ASIC2: variants seen among roughly 807,000 people sequenced by gnomAD.
The protein encoded by ASIC2 is acid-sensing ion channel 2.
In ASIC2, 25 loss-of-function variants were observed where a neutral mutation model predicts 57.3. The observed-to-expected ratio is 0.44, with a 90% confidence interval of 0.32 to 0.61. The LOEUF (loss-of-function observed/expected upper bound fraction) is 0.61. Among genes scored for constraint, ASIC2 ranks in the 20% least tolerant of loss-of-function variants. The pLI is 0.06. For missense variants in ASIC2, 641 were observed against 738.1 expected (o/e 0.87, Z 1.52); for synonymous variants, 319 against 307.5 (o/e 1.04, Z -0.39).
chr17:33,376,369 T>TC (rs915569478), intron 1 of ASIC2, among the ~76,000 whole-genome samples: 1 of 151,822 alleles, frequency 6.6e-6, no homozygotes, highest in African/African-American at 2.4e-5. Context: ...TTTCTTTTTT[T>TC]TTATTATACT....
chr17:33,435,876 C>T (rs569357023), intron 1 of ASIC2, among the ~76,000 whole-genome samples: 1 of 152,326 alleles, frequency 6.6e-6, no homozygotes, highest in Admixed American at 6.5e-5. Flanking sequence ...GACCTCTAGA[C>T]CCAGCAGCCC....
At chr17:33,487,029 A>G (rs1913596766) in intron 1 of ASIC2, among the ~76,000 whole-genome samples, 1 of 152,220 alleles carries the variant, frequency 6.6e-6, no homozygotes, top group African/African-American at 2.4e-5. Context: ...GCAGTAGTAG[A>G]AGAGGTTCTT....
rs115661744 is a variant in ASIC2 at position 33,915,301 on chromosome 17, T to C, written c.555+240677A>G. Among the ~76,000 whole-genome samples, 754 of 152,312 alleles carry C rather than the reference T, an allele frequency of 5.0e-3. 8 individuals carry two copies. Among genetic ancestry groups the C allele is most frequent in the African/African-American group, 0.017 (699 of 41,564 alleles). ...ATTTGCCAGGGGCTTCTCAGTTCTT[T>C]TGTATTTGTCCTTCCCCCATCTCAG... On this transcript the variant is annotated intron_variant, in intron 1 of 9. Transcript: ENST00000359872.
chr17:33,507,339 C>A (rs1252441372), intron 1 of ASIC2, among the ~76,000 whole-genome samples: 1 of 152,238 alleles, frequency 6.6e-6, no homozygotes, highest in African/African-American at 2.4e-5. Context: ...TCGGCAAGCA[C>A]ACCGATAAAT....
At chr17:33,889,900 G>C (rs1914922413) in intron 1 of ASIC2, among the ~76,000 whole-genome samples, 1 of 152,186 alleles carries the variant, frequency 6.6e-6, no homozygotes, top group Non-Finnish European at 1.5e-5. Flanking sequence ...CTAGCTTAGT[G>C]AGAATCAGAA....
At chr17:33,403,519 T>C (rs1452068915) in intron 1 of ASIC2, among the ~76,000 whole-genome samples, 1 of 152,246 alleles carries the variant, frequency 6.6e-6, no homozygotes, top group Non-Finnish European at 1.5e-5. Context: ...AAAAATGTTT[T>C]AAACAAATCA....
intron 1 of ASIC2, among the ~76,000 whole-genome samples, chr17:33,147,004 A>G (rs1323208558): frequency 3.3e-5 from 5 of 152,156 alleles, no homozygotes; most frequent in Admixed American, 1.3e-4. Flanking sequence ...TTGCTCCTTG[A>G]TATCTTCTAA....
At chr17:33,873,807 C>T (rs1440536949) in intron 1 of ASIC2, among the ~76,000 whole-genome samples, 2 of 152,124 alleles carry the variant, frequency 1.3e-5, no homozygotes, top group African/African-American at 4.8e-5. Context: ...CATGCCCGAC[C>T]GTTTTGGTGC....
chr17:33,881,017 T>C (rs1242419828), intron 1 of ASIC2, among the ~76,000 whole-genome samples: 1 of 152,222 alleles, frequency 6.6e-6, no homozygotes, highest in Non-Finnish European at 1.5e-5. Flanking sequence ...AACCACATGA[T>C]TATCTCAATA....
intron 1 of ASIC2, among the ~76,000 whole-genome samples, chr17:33,406,217 A>G (rs1353651485): frequency 2.0e-5 from 3 of 152,190 alleles, no homozygotes; most frequent in African/African-American, 7.2e-5. Context: ...TTGATGAGCA[A>G]TTGGGAATTT....
In ASIC2 at chr17:33,813,837, A is replaced by G. The variant is rs546234026; in HGVS notation, c.555+342141T>C. On this transcript the variant is annotated intron_variant, in intron 1 of 9. Coordinates refer to the ASIC2 transcript ENST00000359872. The stretch of plus-strand genomic sequence containing the variant: ...GCTTTACATTTTTTTGTTTTCAAGA[A>G]TAGTTGCTGCCTGGGAACAGGCACT... 2.6e-5 allele frequency among the ~76,000 whole-genome samples: 4 copies of G among 152,292 alleles called. No individual in the cohort carries two copies. The South Asian group carries it at 6.2e-4, about 24-fold the overall frequency.
intron 1 of ASIC2, among the ~76,000 whole-genome samples, chr17:33,920,971 T>G (rs1008868091): frequency 4.6e-5 from 7 of 152,188 alleles, no homozygotes; most frequent in Admixed American, 3.9e-4. Flanking sequence ...CCATAACTCA[T>G]AAAGTTTATG....
chr17:33,374,356 G>A (rs115949126), intron 1 of ASIC2, among the ~76,000 whole-genome samples: 248 of 152,082 alleles, frequency 1.6e-3, no homozygotes, highest in African/African-American at 5.3e-3. Context: ...CATCTAGACC[G>A]GTGACTCATG....
intron 1 of ASIC2, among the ~76,000 whole-genome samples, chr17:34,054,843 C>T (rs1465380870): frequency 6.6e-6 from 1 of 152,186 alleles, no homozygotes; most frequent in Admixed American, 6.5e-5. Flanking sequence ...CTGAGAGAGA[C>T]ATTATGCATG....
At chr17:33,310,487 T>C (rs192199815) in intron 1 of ASIC2, among the ~76,000 whole-genome samples, 5 of 152,182 alleles carry the variant, frequency 3.3e-5, no homozygotes, top group Admixed American at 1.3e-4. Flanking sequence ...GCCTCCTTAA[T>C]TCAGGAGATG....
intron 1 of ASIC2, among the ~76,000 whole-genome samples, chr17:33,113,486 TG>T (rs2092268032): frequency 6.6e-6 from 1 of 152,186 alleles, no homozygotes; most frequent in African/African-American, 2.4e-5. Context: ...CACAGAGATT[TG>T]GGTCTGGGCC....
intron 1 of ASIC2, among the ~76,000 whole-genome samples, chr17:33,587,005 A>G (rs1193672087): frequency 1.3e-5 from 2 of 152,236 alleles, no homozygotes; most frequent in African/African-American, 4.8e-5. Context: ...TTGTGAGATT[A>G]ATGTATCAAT....
At chr17:33,640,162 T>C (rs1440532263) in intron 1 of ASIC2, among the ~76,000 whole-genome samples, 1 of 151,562 alleles carries the variant, frequency 6.6e-6, no homozygotes, top group Non-Finnish European at 1.5e-5. Flanking sequence ...ATAATAAAGA[T>C]CTAAGAAAGA....
At chr17:33,417,442 C>A (rs1385172402) in intron 1 of ASIC2, among the ~76,000 whole-genome samples, 2 of 152,172 alleles carry the variant, frequency 1.3e-5, no homozygotes, top group African/African-American at 2.4e-5. Context: ...ACCTACCCGG[C>A]CAAGACTACC....
Sources: gnomAD v4.1 joint callset for allele counts (sites outside exome capture counted in the v4.1 genomes callset) on GRCh38, gnomAD v4.1.1 for gene constraint, MANE v1.5 for transcripts, NCBI Gene and HGNC (gene_info 2026-07-23, HGNC 2026-07-21) for gene names.